KHDRBS3: variants seen among roughly 807,000 people sequenced by gnomAD.
The protein encoded by KHDRBS3 is KH domain-containing, RNA-binding, signal transduction-associated protein 3.
In KHDRBS3, 23 loss-of-function variants were observed where a neutral mutation model predicts 45.6. That is an observed-to-expected ratio of 0.50 (90% confidence interval 0.36 to 0.72). KHDRBS3 has a LOEUF of 0.72. Ranked by LOEUF, KHDRBS3 falls within the 30% of genes least tolerant of loss-of-function variation. The pLI, the probability that KHDRBS3 is intolerant of heterozygous loss-of-function variation, is 0.00. For missense variants in KHDRBS3, 352 were observed against 424.8 expected, an observed-to-expected ratio of 0.83 and a Z score of 1.51; for synonymous variants, 162 against 156.5, an observed-to-expected ratio of 1.04 and a Z score of -0.26.
At chr8:135,465,573 A>C (rs1260796992) in intron 1 of KHDRBS3, among the ~76,000 whole-genome samples, 1 of 152,176 alleles carries the variant, frequency 6.6e-6, no homozygotes, top group African/African-American at 2.4e-5. Context: ...ATTGATTTTT[A>C]TTATGCTATT....
At chr8:135,591,846 G>A (rs35823177) in intron 6 of KHDRBS3, among the ~76,000 whole-genome samples, 30,891 of 151,962 alleles carry the variant, frequency 0.2, 3,705 homozygotes, top group Middle Eastern at 0.28. Flanking sequence ...TTGTACTGAC[G>A]GCAAATTTCC....
At chr8:135,583,893 C>G (rs2130932539) in intron 6 of KHDRBS3, among the ~76,000 whole-genome samples, 1 of 152,300 alleles carries the variant, frequency 6.6e-6, no homozygotes, top group East Asian at 1.9e-4. Context: ...AAGAGACATT[C>G]AAGACATTTG....
At chr8:135,527,553 G>A (rs555241512) in intron 2 of KHDRBS3, among the ~76,000 whole-genome samples, 2 of 152,362 alleles carry the variant, frequency 1.3e-5, no homozygotes, top group East Asian at 3.9e-4. Context: ...AGTAGAGAAT[G>A]ACATTTGAAC....
intron 1 of KHDRBS3, among the ~76,000 whole-genome samples, chr8:135,485,957 G>T (rs544263137): frequency 7.9e-5 from 12 of 151,398 alleles, no homozygotes; most frequent in African/African-American, 2.9e-4. Flanking sequence ...CTTAGCTCCC[G>T]TCTGGTGTCT....
chr8:135,489,866 G>A (rs746622896), intron 1 of KHDRBS3, among the ~76,000 whole-genome samples: 1 of 152,104 alleles, frequency 6.6e-6, no homozygotes, highest in Non-Finnish European at 1.5e-5. Flanking sequence ...GATGTCCTAG[G>A]CCTTCACACT....
chr8:135,519,478 A>G (rs149290897), intron 1 of KHDRBS3, among the ~76,000 whole-genome samples: 6 of 152,330 alleles, frequency 3.9e-5, no homozygotes, highest in East Asian at 1.9e-4. Flanking sequence ...GTAATTTGCT[A>G]TAATGACTCA....
chr8:135,490,873 TTGTACTC>T (rs1823114708), intron 1 of KHDRBS3, among the ~76,000 whole-genome samples: 1 of 152,200 alleles, frequency 6.6e-6, no homozygotes, highest in African/African-American at 2.4e-5. Context: ...TGGAAAGAAT[TTGTACTC>T]TGTATTGTGT....
intron 7 of KHDRBS3, among the ~76,000 whole-genome samples, chr8:135,607,302 GA>G (rs1467765148): frequency 3.9e-5 from 6 of 152,178 alleles, no homozygotes; most frequent in African/African-American, 1.2e-4. Context: ...TATATTTTGA[GA>G]AGGAACAATG....
intron 7 of KHDRBS3, among the ~76,000 whole-genome samples, chr8:135,630,932 A>G (rs1250140175): frequency 1.3e-5 from 2 of 152,170 alleles, no homozygotes; most frequent in African/African-American, 4.8e-5. Flanking sequence ...CATTGTATGC[A>G]TAGGCTACAC....
intron 6 of KHDRBS3, among the ~76,000 whole-genome samples, chr8:135,602,814 A>T (rs1052618157): frequency 6.6e-6 from 1 of 152,176 alleles, no homozygotes; most frequent in Admixed American, 6.5e-5. Flanking sequence ...AACATGAATG[A>T]TGTCATCCAA....
chr8:135,621,539 G>A (rs1830139323), intron 7 of KHDRBS3, among the ~76,000 whole-genome samples: 2 of 152,186 alleles, frequency 1.3e-5, no homozygotes, highest in African/African-American at 4.8e-5. Flanking sequence ...CTATTCGAAT[G>A]TAAGCTCTGC....
At chr8:135,576,963 A>G (rs550169402) in intron 5 of KHDRBS3, among the ~76,000 whole-genome samples, 16 of 152,174 alleles carry the variant, frequency 1.1e-4, no homozygotes, top group African/African-American at 3.4e-4. Flanking sequence ...ACTCCACTCC[A>G]CCGTGAGAAA....
chr8:135,635,500 C>T (rs1830774183), intron 7 of KHDRBS3, among the ~76,000 whole-genome samples: 1 of 152,210 alleles, frequency 6.6e-6, no homozygotes, highest in East Asian at 1.9e-4. Context: ...TCTCCTGCCT[C>T]AGCCTCCCGA....
intron 7 of KHDRBS3, among the ~76,000 whole-genome samples, chr8:135,638,349 A>G (rs144150375): frequency 6.6e-6 from 1 of 152,326 alleles, no homozygotes; most frequent in East Asian, 1.9e-4. Context: ...AGCGTACGTT[A>G]CTAGCACATC....
chr8:135,640,166 G>T (rs1831002084), intron 7 of KHDRBS3, among the ~76,000 whole-genome samples: 1 of 152,074 alleles, frequency 6.6e-6, no homozygotes. Context: ...GGACAGATGG[G>T]GGTATGCAGA....
intron 4 of KHDRBS3, among the ~76,000 whole-genome samples, chr8:135,553,777 G>C (rs1215964018): frequency 6.6e-6 from 1 of 152,104 alleles, no homozygotes; most frequent in Non-Finnish European, 1.5e-5. Flanking sequence ...GGGTAGTCAA[G>C]TCCTGCTTAC....
intron 2 of KHDRBS3, among the ~76,000 whole-genome samples, chr8:135,534,454 G>C (rs1280759790): frequency 6.6e-6 from 1 of 152,120 alleles, no homozygotes; most frequent in African/African-American, 2.4e-5. Context: ...CCTGTCATAA[G>C]TTACATGCTG....
chr8:135,652,851 T>G (rs1586864461), intron 4 of KHDRBS3, among the ~76,000 whole-genome samples: 1 of 152,338 alleles, frequency 6.6e-6, no homozygotes, highest in Admixed American at 6.5e-5. Flanking sequence ...TTACCATGCC[T>G]TATGCCTAGT....
intron 2 of KHDRBS3, chr8:135,538,878 G>T (rs986751107): frequency 1.2e-4 from 19 of 152,082 alleles, no homozygotes; most frequent in Non-Finnish European, 1.9e-4. Context: ...GCCTTTTCTT[G>T]TTGCGAATAC....
Sources: gnomAD v4.1 joint callset for allele counts (sites outside exome capture counted in the v4.1 genomes callset) on GRCh38, gnomAD v4.1.1 for gene constraint, MANE v1.5 for transcripts, NCBI Gene and HGNC (gene_info 2026-07-23, HGNC 2026-07-21) for gene names.